Variants in RARB observed in about 807,000 individuals in gnomAD.
RARB encodes retinoic acid receptor beta.
A neutral mutation model predicts 51.9 loss-of-function variants in RARB; 17 were observed. The observed-to-expected ratio is 0.33, with a 90% confidence interval of 0.22 to 0.49. The LOEUF (loss-of-function observed/expected upper bound fraction) is 0.49, where lower values mean the gene tolerates loss of function less well. RARB is among the 20% of genes least tolerant of loss of function. RARB has a pLI of 0.99. For missense variants in RARB, 369 were observed against 550.8 expected, an observed-to-expected ratio of 0.67 and a Z score of 3.30; for synonymous variants, 215 against 195.4, an observed-to-expected ratio of 1.10 and a Z score of -0.84.
chr3:25,166,271 C>G (rs1226422005), intron 4 of RARB, among the ~76,000 whole-genome samples: 2 of 152,122 alleles, frequency 1.3e-5, no homozygotes, highest in African/African-American at 2.4e-5. Flanking sequence ...GCAAAACCAC[C>G]AGGCATGCAA....
chr3:25,485,993 C>T (rs1387187113), intron 2 of RARB, among the ~76,000 whole-genome samples: 1 of 152,094 alleles, frequency 6.6e-6, no homozygotes, highest in African/African-American at 2.4e-5. Flanking sequence ...TGGGTTGCCA[C>T]GAATTATATT....
At chr3:25,125,479 G>C (rs1211257161) in intron 3 of RARB, among the ~76,000 whole-genome samples, 1 of 152,110 alleles carries the variant, frequency 6.6e-6, no homozygotes, top group Non-Finnish European at 1.5e-5. Flanking sequence ...GAAAGTACTA[G>C]GGCGTATGAA....
At chr3:24,832,047 C>A (rs1311933031) in intron 1 of RARB, among the ~76,000 whole-genome samples, 3 of 152,100 alleles carry the variant, frequency 2.0e-5, no homozygotes, top group Non-Finnish European at 4.4e-5. Flanking sequence ...TCAGAGTTCA[C>A]ACATTTTAAA....
chr3:25,018,332 A>G (rs1299887901), intron 2 of RARB, among the ~76,000 whole-genome samples: 1 of 152,190 alleles, frequency 6.6e-6, no homozygotes, highest in Non-Finnish European at 1.5e-5. Flanking sequence ...AAGCAGTATA[A>G]TCATTCTTCC....
intron 5 of RARB, among the ~76,000 whole-genome samples, chr3:25,319,805 G>T (rs1417878313): frequency 1.3e-5 from 2 of 152,164 alleles, no homozygotes; most frequent in Admixed American, 1.3e-4. Context: ...TCTGTACTGT[G>T]TGAGTTGCAG....
intron 2 of RARB, among the ~76,000 whole-genome samples, chr3:24,925,742 A>G (rs1217016278): frequency 6.6e-6 from 1 of 150,872 alleles, no homozygotes; most frequent in African/African-American, 2.4e-5. Flanking sequence ...TAATAGAGAT[A>G]TCTTTCTTAG....
chr3:25,091,995 G>T (rs1387428197), intron 3 of RARB, among the ~76,000 whole-genome samples: 1 of 152,124 alleles, frequency 6.6e-6, no homozygotes, highest in Non-Finnish European at 1.5e-5. Context: ...GAAACCAGTT[G>T]CAGCACAATG....
chr3:25,024,446 T>A (rs941889912), intron 2 of RARB, among the ~76,000 whole-genome samples: 4 of 152,138 alleles, frequency 2.6e-5, no homozygotes, highest in African/African-American at 9.7e-5. Context: ...ATTAATAAGA[T>A]TTGAGAGTAA....
intron 5 of RARB, among the ~76,000 whole-genome samples, chr3:25,378,545 T>C (rs565477840): frequency 6.6e-6 from 1 of 152,238 alleles, no homozygotes; most frequent in Non-Finnish European, 1.5e-5. Context: ...TCCAGAAGGC[T>C]AGAAGATTGA....
At chr3:24,975,839 A>C (rs1204899913) in intron 2 of RARB, among the ~76,000 whole-genome samples, 3 of 152,006 alleles carry the variant, frequency 2.0e-5, no homozygotes, top group African/African-American at 7.3e-5. Context: ...TTACATAGGT[A>C]TATGTGTGCC....
rs74614327 is a variant in RARB at position 25,471,276 on chromosome 3, A to G, written c.306+9935A>G. ...TCCTCTCTGATACTATCTTTAGGCA[A>G]ACTCTTAAGAACTAGTGCCTGGAAT... is the stretch of plus-strand genomic sequence containing the variant. On this transcript the variant is annotated intron_variant, in intron 2 of 7. Transcript: ENST00000330688. 7.1e-3 allele frequency among the ~76,000 whole-genome samples: 1,076 copies of G among 152,252 alleles called. 7 individuals are homozygous for G. Among genetic ancestry groups the G allele is most frequent in the Non-Finnish European group, 0.011 (770 of 68,004 alleles).
At chr3:24,929,316 G>A (rs973846653) in intron 2 of RARB, among the ~76,000 whole-genome samples, 10 of 152,004 alleles carry the variant, frequency 6.6e-5, no homozygotes, top group East Asian at 5.8e-4. Flanking sequence ...AAATCTCTGC[G>A]TTTGCACATT....
At chr3:24,933,582 G>C (rs867141812) in intron 2 of RARB, among the ~76,000 whole-genome samples, 3 of 152,054 alleles carry the variant, frequency 2.0e-5, no homozygotes, top group Non-Finnish European at 4.4e-5. Context: ...GAGCAAATGA[G>C]GACTCTACAG....
At chr3:25,407,852 T>C (rs1383868654) in intron 5 of RARB, among the ~76,000 whole-genome samples, 3 of 151,992 alleles carry the variant, frequency 2.0e-5, no homozygotes, top group East Asian at 3.9e-4. Flanking sequence ...AACAAGAAGA[T>C]GGGAAGTTGG....
intron 5 of RARB, among the ~76,000 whole-genome samples, chr3:25,271,937 G>T (rs990657757): frequency 1.3e-5 from 2 of 152,140 alleles, no homozygotes; most frequent in African/African-American, 4.8e-5. Context: ...TCTCCTGCCT[G>T]GTTGGGAGAG....
chr3:24,901,133 A>G (rs1432789861), intron 2 of RARB, among the ~76,000 whole-genome samples: 6 of 152,188 alleles, frequency 3.9e-5, no homozygotes, highest in Admixed American at 1.3e-4. Flanking sequence ...TTGATGGCCA[A>G]TGGCATTAAA....
At chr3:24,837,238 T>G (rs1702356450) in intron 1 of RARB, among the ~76,000 whole-genome samples, 1 of 152,224 alleles carries the variant, frequency 6.6e-6, no homozygotes, top group African/African-American at 2.4e-5. Flanking sequence ...TGTGGTCATC[T>G]GCAACTGGTA....
At chr3:25,048,023 A>G (rs1279260889) in intron 2 of RARB, among the ~76,000 whole-genome samples, 3 of 152,122 alleles carry the variant, frequency 2.0e-5, no homozygotes, top group South Asian at 4.1e-4. Context: ...AAGCTCTCTC[A>G]CCTGCCGCCA....
At chr3:25,287,220 G>A (rs1703677939) in intron 5 of RARB, among the ~76,000 whole-genome samples, 2 of 151,894 alleles carry the variant, frequency 1.3e-5, no homozygotes, top group South Asian at 2.1e-4. Flanking sequence ...CTCTGGTGTC[G>A]CTCCCTTTCC....
Sources: gnomAD v4.1 joint callset for allele counts (sites outside exome capture counted in the v4.1 genomes callset) on GRCh38, gnomAD v4.1.1 for gene constraint, MANE v1.5 for transcripts, NCBI Gene and HGNC (gene_info 2026-07-23, HGNC 2026-07-21) for gene names.